PABPC4L: variants seen among roughly 807,000 people sequenced by gnomAD.
The protein encoded by PABPC4L is poly(A) binding protein cytoplasmic 4 like.
For synonymous variants in PABPC4L, 169 were observed against 164.1 expected, an observed-to-expected ratio of 1.03 and a Z score of -0.23; for missense variants, 452 against 451.4, an observed-to-expected ratio of 1.00 and a Z score of -0.01.
At chr4:133,992,627 G>C in the PABPC4L span, among the ~76,000 whole-genome samples, 1 of 152,142 alleles carries the variant, frequency 6.6e-6, no homozygotes, top group Admixed American at 6.6e-5. Context: ...GTCCGCCCAG[G>C]TAACAGAGTG....
At chr4:133,979,977 A>C in the PABPC4L span, among the ~76,000 whole-genome samples, 1 of 152,270 alleles carries the variant, frequency 6.6e-6, no homozygotes, top group East Asian at 1.9e-4. Context: ...AATTTGGTTC[A>C]GAAATAGAAT....
At chr4:133,960,101 T>C in the PABPC4L span, among the ~76,000 whole-genome samples, 1 of 152,152 alleles carries the variant, frequency 6.6e-6, no homozygotes, top group South Asian at 2.1e-4. Context: ...CTCAGATGGA[T>C]AGAGCAGCAT....
chr4:134,041,563 A>C, the PABPC4L span, among the ~76,000 whole-genome samples: 1 of 151,884 alleles, frequency 6.6e-6, no homozygotes, highest in Non-Finnish European at 1.5e-5. Flanking sequence ...GGCATCACAC[A>C]CTGGGGCCTG....
chr4:134,102,432 C>T, the PABPC4L span, among the ~76,000 whole-genome samples: 1 of 151,144 alleles, frequency 6.6e-6, no homozygotes, highest in African/African-American at 2.4e-5. Context: ...TTCCTGATAC[C>T]CCAGCACAAC....
chr4:134,186,294 A>G, the PABPC4L span, among the ~76,000 whole-genome samples: 3 of 152,170 alleles, frequency 2.0e-5, no homozygotes, highest in Non-Finnish European at 4.4e-5. Flanking sequence ...AAACTATACT[A>G]CAAGGCTACA....
the PABPC4L span, among the ~76,000 whole-genome samples, chr4:133,967,881 T>A: frequency 6.6e-6 from 1 of 152,116 alleles, no homozygotes; most frequent in Admixed American, 6.6e-5. Flanking sequence ...AGCTTAAAAG[T>A]TAAAGGTTTA....
chr4:134,023,694 G>T, the PABPC4L span, among the ~76,000 whole-genome samples: 74 of 151,716 alleles, frequency 4.9e-4, no homozygotes, highest in Non-Finnish European at 9.6e-4. Context: ...AGGGTGTTTT[G>T]GTTAGATAAT....
the PABPC4L span, among the ~76,000 whole-genome samples, chr4:134,105,053 T>G: frequency 6.8e-3 from 1,039 of 151,830 alleles, 9 homozygotes; most frequent in Middle Eastern, 0.01. Flanking sequence ...AGGTATAAAG[T>G]GCAACAAAAA....
the PABPC4L span, among the ~76,000 whole-genome samples, chr4:134,034,540 T>G: frequency 6.6e-6 from 1 of 152,040 alleles, no homozygotes; most frequent in Non-Finnish European, 1.5e-5. Flanking sequence ...TAGATGCTAT[T>G]AAGAACATAA....
the PABPC4L span, among the ~76,000 whole-genome samples, chr4:134,085,412 T>TA: frequency 3.3e-5 from 5 of 152,128 alleles, no homozygotes; most frequent in Non-Finnish European, 7.4e-5. Flanking sequence ...TTCTGTATTA[T>TA]AAATTTATAA....
chr4:134,141,687 T>A, the PABPC4L span, among the ~76,000 whole-genome samples: 12 of 151,740 alleles, frequency 7.9e-5, no homozygotes, highest in Middle Eastern at 3.4e-3. Flanking sequence ...ACTGCACAAA[T>A]CCTTAATTTT....
At chr4:133,971,909 C>T in the PABPC4L span, among the ~76,000 whole-genome samples, 1 of 152,064 alleles carries the variant, frequency 6.6e-6, no homozygotes, top group African/African-American at 2.4e-5. Context: ...TCTTAATATG[C>T]CCTCTCAAAA....
chr4:134,027,062 TTTTG>T, the PABPC4L span, among the ~76,000 whole-genome samples: 3 of 152,302 alleles, frequency 2.0e-5, no homozygotes, highest in East Asian at 3.9e-4. Context: ...TTACTTGTGC[TTTTG>T]TTTGTTTTAA....
chr4:134,116,340 G>T, the PABPC4L span, among the ~76,000 whole-genome samples: 1 of 151,900 alleles, frequency 6.6e-6, no homozygotes, highest in Admixed American at 6.6e-5. Flanking sequence ...ATGATGCAAA[G>T]GGCAAAGGAA....
At chr4:134,080,371 C>T in the PABPC4L span, among the ~76,000 whole-genome samples, 3 of 152,140 alleles carry the variant, frequency 2.0e-5, no homozygotes, top group South Asian at 2.1e-4. Context: ...TGGTAATTTG[C>T]ATTTGGCACT....
At chr4:134,158,496 A>G in the PABPC4L span, among the ~76,000 whole-genome samples, 1 of 152,104 alleles carries the variant, frequency 6.6e-6, no homozygotes, top group African/African-American at 2.4e-5. Context: ...AGACAGACAT[A>G]AAATCTTTTT....
the PABPC4L span, among the ~76,000 whole-genome samples, chr4:133,963,425 A>G: frequency 2.6e-5 from 4 of 152,164 alleles, no homozygotes; most frequent in African/African-American, 9.7e-5. Context: ...ACAGCAGTAG[A>G]CAGGTCATCA....
chr4:134,000,024 C>T, the PABPC4L span, among the ~76,000 whole-genome samples: 1 of 151,932 alleles, frequency 6.6e-6, no homozygotes, highest in African/African-American at 2.4e-5. Flanking sequence ...ATTTTAAAAG[C>T]ACACAGATCA....
chr4:134,057,308 C>T, the PABPC4L span, among the ~76,000 whole-genome samples: 8 of 151,988 alleles, frequency 5.3e-5, no homozygotes, highest in Non-Finnish European at 8.8e-5. Flanking sequence ...TACCTTCTAA[C>T]ATATTATTTT....
Sources: allele counts gnomAD v4.1 joint callset (sites outside exome capture counted in the v4.1 genomes callset), GRCh38; gene constraint gnomAD v4.1.1; transcripts MANE v1.5; gene names NCBI Gene and HGNC (gene_info 2026-07-23, HGNC 2026-07-21).